The following DNAH11 variants were observed in gnomAD, a reference collection of about 807,000 sequenced individuals.
The protein encoded by DNAH11 is dynein axonemal heavy chain 11.
A neutral mutation model predicts 526.0 loss-of-function variants in DNAH11; 442 were observed. That is an observed-to-expected ratio of 0.84 (90% CI 0.78 to 0.91). The LOEUF (loss-of-function observed/expected upper bound fraction) is 0.91. Among genes scored for constraint, DNAH11 ranks in the 40% least tolerant of loss-of-function variants. The pLI is 0.00. For missense variants in DNAH11, 6,989 were observed against 5,448.7 expected (o/e 1.28, Z -8.90); for synonymous variants, 2,461 against 1,935.9 (o/e 1.27, Z -7.12).
At chr7:21,608,819 T>C (rs1244839514) in intron 20 of DNAH11, among the ~76,000 whole-genome samples, 1 of 105,342 alleles carries the variant, frequency 9.5e-6, no homozygotes, top group Admixed American at 1.1e-4. Flanking sequence ...AGCATGTAGT[T>C]ACATATTTAA....
intron 9 of DNAH11, among the ~76,000 whole-genome samples, chr7:21,585,597 T>C (rs954543851): frequency 5.3e-5 from 8 of 152,168 alleles, no homozygotes; most frequent in Admixed American, 2.0e-4. Flanking sequence ...AACCAAATAC[T>C]ACTGAATGGC....
intron 57 of DNAH11, among the ~76,000 whole-genome samples, chr7:21,779,683 A>T (rs1216878505): frequency 2.6e-5 from 4 of 152,222 alleles, no homozygotes; most frequent in Admixed American, 2.6e-4. Context: ...CAATTCTGAA[A>T]TAAGTACACT....
chr7:21,801,521 A>G (rs1175417413), intron 62 of DNAH11, among the ~76,000 whole-genome samples: 3 of 152,208 alleles, frequency 2.0e-5, no homozygotes, highest in East Asian at 1.9e-4. Context: ...GGGAAGACAT[A>G]TACTTTATCA....
chr7:21,688,375 T>C (rs1056335975), intron 34 of DNAH11, among the ~76,000 whole-genome samples: 2 of 152,276 alleles, frequency 1.3e-5, no homozygotes, highest in Admixed American at 6.5e-5. Context: ...CCTATTATGT[T>C]TTATTGTTAT....
Position 21,880,764 on chromosome 7 carries a change from C to T in DNAH11, c.12258C>T (p.Tyr4086=), listed in dbSNP as rs780151355. 2 of 1,614,010 alleles carry T rather than the reference C, an allele frequency of 1.2e-6. No individual in the cohort carries two copies. Among genetic ancestry groups the T allele is most frequent in the South Asian group, 2.2e-5 (2 of 91,080 alleles). The change falls in exon 75 of 82, where the codon TAC becomes TAT. Residue 4086 remains tyrosine, a synonymous_variant. Coordinates refer to ENST00000409508, the MANE Select transcript of DNAH11 (RefSeq NM_001277115.2). ...AAAGCATCCTTTTTTCTCTCTGCTA[C>T]TTCCACGCCTGTGTTGCTGGGAGAC... ...EFKSILFSLC[Y]FHACVAGRLR... is the part of the protein sequence containing the mutation.
Position 21,543,342 on chromosome 7 carries a change from G to T in DNAH11, c.97G>T (p.Val33Leu), listed in dbSNP as rs1401125804. 16 of 1,551,090 alleles carry T rather than the reference G, an allele frequency of 1.0e-5. No individual in the cohort carries two copies. The highest frequency in any genetic ancestry group is 1.4e-5 in the African/African-American group (1 of 73,068). The change falls in exon 1 of 82, where the codon GTG becomes TTG. Residue 33 changes from valine (V) to leucine (L), a missense_variant. Coordinates refer to ENST00000409508, the MANE Select transcript of DNAH11 (RefSeq NM_001277115.2). ...SGAGLEAVGA[V>L]ELEEEEENEE... is the part of the protein sequence containing the mutation. ...GGCCGGCCTGGAGGCAGTGGGCGCT[G>T]TGGAGCTCGAGGAGGAGGAGGAGAA...
At position 21,554,726 on chromosome 7, in the gene DNAH11, C is replaced by A. The variant is rs569525646; in HGVS notation, c.496-4076C>A. On this transcript the variant is annotated intron_variant, in intron 2 of 81. Coordinates refer to ENST00000409508, the MANE Select transcript of DNAH11 (RefSeq NM_001277115.2). The stretch of plus-strand genomic sequence containing the variant: ...GGATGTTTTAGAAGTGGTTTCATTT[C>A]CTTCTTGAAATTCCTAACTTCAGTA... Among the ~76,000 whole-genome samples, 35 of 152,248 alleles carry A rather than the reference C, an allele frequency of 2.3e-4. No individual in the cohort carries two copies. In the South Asian group the frequency reaches 7.3e-3, roughly 32 times the overall value.
rs188127383 is a variant in DNAH11, at chr7:21,726,019, G to A, written c.7440+35G>A. ...TGGAACATAGCAATTGTATTAGTCT[G>A]TTTTCATATTGCTATAAAAAATACC... is the stretch of plus-strand genomic sequence containing the variant. On this transcript the variant is annotated intron_variant, in intron 45 of 81. Coordinates refer to ENST00000409508, the MANE Select transcript of DNAH11 (RefSeq NM_001277115.2). The A allele has an allele frequency of 3.0e-4, 436 of 1,467,626 alleles. No individual in the cohort carries two copies. In the African/African-American group the frequency reaches 4.9e-3, roughly 16 times the overall value. The allele number at this position is 1,467,626 out of a possible 1,614,324, so 90.9% of individuals were successfully genotyped here.
intron 62 of DNAH11, among the ~76,000 whole-genome samples, chr7:21,804,481 C>G (rs1012791989): frequency 6.6e-6 from 1 of 152,186 alleles, no homozygotes; most frequent in East Asian, 1.9e-4. Flanking sequence ...AATACACTAT[C>G]TCTCTGAAAT....
Position 21,778,982 on chromosome 7 carries a change from G to C in DNAH11, c.9361G>C (p.Ala3121Pro), listed in dbSNP as rs775497291. The C allele has an allele frequency of 1.9e-6, 3 of 1,613,066 alleles. No homozygotes were observed. The highest frequency in any genetic ancestry group is 3.3e-4 in the Middle Eastern group (2 of 6,072). The part of the protein sequence containing the change: ...SQVGDLKARL[A>P]SQEAELQLRN... ...GGTGGGAGATCTAAAAGCCAGACTT[G>C]CCTCTCAAGAAGCCGAGCTGCAACT... Residue 3121 changes from alanine to proline, a missense_variant, in exon 57 of 82, where the codon GCC becomes CCC. By Grantham distance (27) the Ala-to-Pro change is conservative. Transcript: ENST00000409508.
At chr7:21,696,407 A>C (rs188615598) in intron 35 of DNAH11, among the ~76,000 whole-genome samples, 1 of 152,196 alleles carries the variant, frequency 6.6e-6, no homozygotes, top group South Asian at 2.1e-4. Flanking sequence ...CTTGTATTGA[A>C]TGTTTTTCTT....
intron 65 of DNAH11, among the ~76,000 whole-genome samples, chr7:21,837,211 G>A (rs6461609): frequency 0.28 from 42,639 of 151,972 alleles, 7,947 homozygotes; most frequent in African/African-American, 0.51. Flanking sequence ...AAGAACTACC[G>A]TATGATCCAG....
intron 32 of DNAH11, 43 bp downstream of exon 32, chr7:21,683,987 A>G (rs1783257603): frequency 3.1e-6 from 5 of 1,602,380 alleles, no homozygotes; most frequent in Non-Finnish European, 4.3e-6. Flanking sequence ...AAACAACCCA[A>G]AAAAGTCCCC....
chr7:21,572,224 T>C (rs1783921159), intron 8 of DNAH11, among the ~76,000 whole-genome samples: 1 of 152,204 alleles, frequency 6.6e-6, no homozygotes, highest in Non-Finnish European at 1.5e-5. Flanking sequence ...TGTATCTTGT[T>C]TGTGTATGCT....
At chr7:21,721,345 C>A (rs1423086133) in intron 44 of DNAH11, among the ~76,000 whole-genome samples, 1 of 152,208 alleles carries the variant, frequency 6.6e-6, no homozygotes, top group Non-Finnish European at 1.5e-5. Context: ...TAGCTGCCAA[C>A]CCTATTCCCT....
intron 30 of DNAH11, among the ~76,000 whole-genome samples, chr7:21,675,289 T>G (rs1462366672): frequency 6.6e-6 from 1 of 152,138 alleles, no homozygotes; most frequent in Non-Finnish European, 1.5e-5. Flanking sequence ...CTGCCATGGG[T>G]GACCTCTTTC....
chr7:21,589,533 A>G (rs182767317), intron 12 of DNAH11, 130 bp downstream of exon 12: 55 of 684,702 alleles, frequency 8.0e-5, no homozygotes, highest in African/African-American at 3.0e-4. Context: ...ACTGTAAACA[A>G]TTTCTTACAG....
intron 30 of DNAH11, among the ~76,000 whole-genome samples, chr7:21,672,076 G>A (rs769770022): frequency 2.6e-5 from 4 of 152,100 alleles, no homozygotes; most frequent in African/African-American, 4.8e-5. Flanking sequence ...TCTGGCTGGC[G>A]GAAATGAAAA....
chr7:21,582,523 A>G (rs1784347234), intron 9 of DNAH11, among the ~76,000 whole-genome samples: 1 of 152,242 alleles, frequency 6.6e-6, no homozygotes, highest in South Asian at 2.1e-4. Flanking sequence ...CCAAATAATT[A>G]TGATTTCATT....
Sources: gnomAD v4.1 joint callset for allele counts (sites outside exome capture counted in the v4.1 genomes callset) on GRCh38, gnomAD v4.1.1 for gene constraint, MANE v1.5 for transcripts, NCBI Gene and HGNC (gene_info 2026-07-23, HGNC 2026-07-21) for gene names.